The following STARD13 variants were observed in gnomAD, a reference collection of about 807,000 sequenced individuals.
STARD13 encodes the protein stAR-related lipid transfer protein 13.
Under a neutral mutation model 106.4 loss-of-function variants are expected in STARD13, and 62 were observed. The ratio of observed to expected loss-of-function variants is 0.58; its 90% CI spans 0.48 to 0.72. The LOEUF is 0.72. Among genes scored for constraint, STARD13 ranks in the 30% least tolerant of loss-of-function variants. STARD13 has a pLI of 0.00. For synonymous variants in STARD13, 565 were observed against 553.0 expected (o/e 1.02, Z -0.31); for missense variants, 1,387 against 1,424.0 (o/e 0.97, Z 0.42).
chr13:33,417,501 A>G, the STARD13 span, among the ~76,000 whole-genome samples: 6 of 152,342 alleles, frequency 3.9e-5, no homozygotes, highest in Admixed American at 3.9e-4. Context: ...CACAGTAGCC[A>G]AAAAGTGGGA....
the STARD13 span, among the ~76,000 whole-genome samples, chr13:33,509,803 T>C: frequency 1.7e-3 from 265 of 152,312 alleles, no homozygotes; most frequent in African/African-American, 6.2e-3. Context: ...GCCTAACTCG[T>C]AGGGCGAATT....
chr13:33,235,571 C>T (rs1478345377), intron 1 of STARD13, among the ~76,000 whole-genome samples: 2 of 152,180 alleles, frequency 1.3e-5, no homozygotes, highest in Non-Finnish European at 2.9e-5. Context: ...GGTCTATGTA[C>T]TTAATAAATG....
the STARD13 span, among the ~76,000 whole-genome samples, chr13:33,535,594 G>C: frequency 6.6e-6 from 1 of 152,110 alleles, no homozygotes; most frequent in Admixed American, 6.5e-5. Flanking sequence ...ATATTAATTA[G>C]AGATATAACA....
the STARD13 span, chr13:33,658,065 A>C: frequency 6.6e-6 from 1 of 152,212 alleles, no homozygotes; most frequent in Admixed American, 6.5e-5. Context: ...ATACTTCCCC[A>C]TGCCCCTTCC....
chr13:33,282,863 T>C (rs1031110795), intron 1 of STARD13, among the ~76,000 whole-genome samples: 7 of 151,912 alleles, frequency 4.6e-5, no homozygotes, highest in Non-Finnish European at 8.8e-5. Context: ...CCTGTCTCTA[T>C]AAAAAAGTTT....
intron 2 of STARD13, among the ~76,000 whole-genome samples, chr13:33,166,166 A>G (rs925270631): frequency 2.0e-5 from 3 of 152,220 alleles, no homozygotes; most frequent in African/African-American, 7.2e-5. Flanking sequence ...CTTGCCAGTC[A>G]TGATAAATCT....
At chr13:33,384,359 C>T in the STARD13 span, among the ~76,000 whole-genome samples, 7 of 152,128 alleles carry the variant, frequency 4.6e-5, no homozygotes, top group African/African-American at 9.7e-5. Context: ...GCTAAGAGTC[C>T]GGGAAGCTGA....
chr13:33,600,651 A>G, the STARD13 span, among the ~76,000 whole-genome samples: 1 of 152,218 alleles, frequency 6.6e-6, no homozygotes, highest in Non-Finnish European at 1.5e-5. Flanking sequence ...CAAAGTAAAA[A>G]GTAGGGGAAA....
At chr13:33,143,594 T>C (rs2138240742) in intron 3 of STARD13, among the ~76,000 whole-genome samples, 1 of 152,294 alleles carries the variant, frequency 6.6e-6, no homozygotes, top group Non-Finnish European at 1.5e-5. Flanking sequence ...ACTCTGTTGC[T>C]CAGGCTGGAG....
At chr13:33,623,015 C>T in the STARD13 span, among the ~76,000 whole-genome samples, 18,218 of 151,700 alleles carry the variant, frequency 0.12, 2,752 homozygotes, top group African/African-American at 0.36. Context: ...AGGAGAATTG[C>T]TTGAACCTGG....
chr13:33,569,380 A>C, the STARD13 span, among the ~76,000 whole-genome samples: 1 of 147,872 alleles, frequency 6.8e-6, no homozygotes, highest in Non-Finnish European at 1.5e-5. Flanking sequence ...TTAACAAGAA[A>C]AACTCATCTG....
chr13:33,214,296 T>C (rs1369277020), intron 1 of STARD13, among the ~76,000 whole-genome samples: 1 of 152,186 alleles, frequency 6.6e-6, no homozygotes, highest in African/African-American at 2.4e-5. Flanking sequence ...TGGGTTGAAA[T>C]AAACTTAAAA....
chr13:33,554,544 T>C, the STARD13 span, among the ~76,000 whole-genome samples: 1 of 152,226 alleles, frequency 6.6e-6, no homozygotes, highest in South Asian at 2.1e-4. Context: ...CCAGGTACTA[T>C]GTATAGTAAG....
At chr13:33,499,137 CA>C in the STARD13 span, among the ~76,000 whole-genome samples, 1 of 152,018 alleles carries the variant, frequency 6.6e-6, no homozygotes. Flanking sequence ...GACTCTGTCT[CA>C]AAAAACAAAC....
At chr13:33,167,369 G>C (rs1450276910) in intron 2 of STARD13, among the ~76,000 whole-genome samples, 182 bp downstream of exon 2, 1 of 152,014 alleles carries the variant, frequency 6.6e-6, no homozygotes, top group African/African-American at 2.4e-5. Flanking sequence ...CCTGGGAAGT[G>C]ATATTCATTT....
chr13:33,191,138 T>C (rs1185155379), intron 1 of STARD13, among the ~76,000 whole-genome samples: 1 of 152,258 alleles, frequency 6.6e-6, no homozygotes, highest in Non-Finnish European at 1.5e-5. Flanking sequence ...TACGCGGTTT[T>C]CAGCTTTTTA....
the STARD13 span, among the ~76,000 whole-genome samples, chr13:33,475,285 A>G: frequency 6.6e-6 from 1 of 152,124 alleles, no homozygotes; most frequent in Admixed American, 6.5e-5. Flanking sequence ...TTAATATATA[A>G]TTCTGTATGT....
chr13:33,180,590 T>A (rs1566055420), intron 1 of STARD13: 1 of 152,136 alleles, frequency 6.6e-6, no homozygotes, highest in African/African-American at 2.4e-5. Context: ...AAGTTGTGGG[T>A]TAATGTGGAG....
the STARD13 span, among the ~76,000 whole-genome samples, chr13:33,535,966 C>T: frequency 6.6e-6 from 1 of 152,170 alleles, no homozygotes; most frequent in Admixed American, 6.5e-5. Flanking sequence ...AGAGGTCAGG[C>T]TTACACCCCA....
Sources: allele counts gnomAD v4.1 joint callset (sites outside exome capture counted in the v4.1 genomes callset), GRCh38; gene constraint gnomAD v4.1.1; transcripts MANE v1.5; gene names NCBI Gene and HGNC (gene_info 2026-07-23, HGNC 2026-07-21).